HSPA4L: variants seen among roughly 807,000 people sequenced by gnomAD.
HSPA4L encodes the protein heat shock protein family A (Hsp70) member 4 like.
A neutral mutation model predicts 100.3 loss-of-function variants in HSPA4L; 48 were observed. The ratio of observed to expected loss-of-function variants is 0.48; its 90% CI spans 0.38 to 0.61. HSPA4L has a LOEUF of 0.61. Ranked by LOEUF, HSPA4L falls within the 20% of genes least tolerant of loss-of-function variation. The pLI is 0.00. For missense variants in HSPA4L, 886 were observed against 988.6 expected (o/e 0.90, Z 1.39); for synonymous variants, 319 against 328.2 (o/e 0.97, Z 0.30).
intron 10 of HSPA4L, among the ~76,000 whole-genome samples, chr4:127,806,622 A>T (rs1733366274): frequency 6.6e-6 from 1 of 151,960 alleles, no homozygotes; most frequent in Non-Finnish European, 1.5e-5. Flanking sequence ...CAATATTTTC[A>T]TGCTTGCATT....
At position 127,808,032 on chromosome 4, in the gene HSPA4L, A is replaced by G. The variant is rs1240677070; in HGVS notation, c.1281A>G (p.Pro427=). 2 of 1,612,718 alleles carry G rather than the reference A, an allele frequency of 1.2e-6. No individual in the cohort carries two copies. The highest frequency in any genetic ancestry group is 2.7e-5 in the African/African-American group (2 of 74,830). Residue 427 remains proline (P), a synonymous_variant, in exon 11 of 19, where the codon CCA becomes CCG. Transcript: ENST00000296464. ...TTTTCTGTAAGAACCATCCTGCCCC[A>G]TTCTCAAAAGTCATTACTTTCCACA... The part of the protein sequence containing the change: ...CEVFCKNHPA[P]FSKVITFHKK...
chr4:127,819,744 A>G (rs1733760257), intron 13 of HSPA4L, among the ~76,000 whole-genome samples: 1 of 152,130 alleles, frequency 6.6e-6, no homozygotes, highest in Non-Finnish European at 1.5e-5. Context: ...CTTATTTGTG[A>G]CTGGCTTTCA....
At chr4:127,798,957 G>A (rs1733099761) in intron 4 of HSPA4L, among the ~76,000 whole-genome samples, 1 of 152,104 alleles carries the variant, frequency 6.6e-6, no homozygotes, top group Non-Finnish European at 1.5e-5. Flanking sequence ...TGCTATCTGG[G>A]ATTTATCCCT....
intron 8 of HSPA4L, among the ~76,000 whole-genome samples, chr4:127,804,427 G>A (rs569069454): frequency 5.7e-4 from 87 of 152,172 alleles, no homozygotes; most frequent in Non-Finnish European, 8.5e-4. Context: ...ACAACATGGT[G>A]AAACCCCATC....
intron 2 of HSPA4L, 125 bp downstream of exon 2, chr4:127,794,259 C>T: frequency 2.1e-5 from 12 of 583,876 alleles, no homozygotes; most frequent in East Asian, 9.4e-5. Flanking sequence ...GGTACTACAT[C>T]TTTGTTTTGT....
Position 127,803,808 on chromosome 4 carries a change from A to C in HSPA4L, c.843A>C (p.Ala281=), listed in dbSNP as rs1057252558. The C allele has an allele frequency of 6.2e-7, 1 of 1,613,822 alleles. No homozygotes were observed. The highest frequency in any genetic ancestry group is 1.7e-5 in the Admixed American group (1 of 59,986). The change falls in exon 7 of 19, where the codon GCA becomes GCC. Residue 281 remains alanine, a synonymous_variant. Transcript: ENST00000296464. ...EKLKKLMSAN[A]SDLPLNIECF... is the part of the protein sequence containing the mutation. ...TAAAGAAGCTAATGAGTGCAAATGC[A>C]TCAGATCTTCCATTGAACATTGAGT...
At chr4:127,827,464 G>T in intron 17 of HSPA4L, 40 bp downstream of exon 17, 1 of 1,609,652 alleles carries the variant, frequency 6.2e-7, no homozygotes, top group Non-Finnish European at 8.5e-7. Context: ...GATGGCATGT[G>T]CATGGTACAT....
intron 10 of HSPA4L, among the ~76,000 whole-genome samples, chr4:127,806,558 A>G (rs1345773510): frequency 6.6e-6 from 1 of 151,996 alleles, no homozygotes; most frequent in Admixed American, 6.5e-5. Flanking sequence ...GAACATGCCA[A>G]TATTTTAAAA....
chr4:127,823,395 C>T, intron 15 of HSPA4L, 122 bp from the exon 16 acceptor site: 1 of 636,938 alleles, frequency 1.6e-6, no homozygotes, highest in South Asian at 2.1e-5. Context: ...GCGATCCTCC[C>T]ACCTTGGCCT....
intron 1 of HSPA4L, among the ~76,000 whole-genome samples, chr4:127,793,228 A>G (rs771168857): frequency 6.6e-6 from 1 of 152,200 alleles, no homozygotes; most frequent in Non-Finnish European, 1.5e-5. Flanking sequence ...TAGATATTAA[A>G]TGTTTTCCCT....
intron 1 of HSPA4L, among the ~76,000 whole-genome samples, chr4:127,790,758 G>C (rs1318398821): frequency 6.6e-6 from 1 of 152,146 alleles, no homozygotes; most frequent in African/African-American, 2.4e-5. Flanking sequence ...TATTATTACT[G>C]TCACTTGCCT....
At chr4:127,797,438 A>T (rs1733051932) in intron 3 of HSPA4L, among the ~76,000 whole-genome samples, 1 of 152,122 alleles carries the variant, frequency 6.6e-6, no homozygotes, top group South Asian at 2.1e-4. Flanking sequence ...GTTTTGAGTG[A>T]TATAATTTTA....
intron 9 of HSPA4L, 27 bp downstream of exon 9, chr4:127,805,251 A>G (rs1259609218): frequency 1.9e-6 from 3 of 1,561,502 alleles, no homozygotes; most frequent in East Asian, 2.3e-5. Flanking sequence ...ATTTTTTAGA[A>G]TATGTATTTT....
chr4:127,798,503 C>A, intron 3 of HSPA4L, 84 bp from the exon 4 acceptor site: 1 of 1,335,120 alleles, frequency 7.5e-7, no homozygotes, highest in South Asian at 1.3e-5. Context: ...CATTGTATGT[C>A]TATCACATAT....
At chr4:127,817,361 T>A (rs1369234753) in intron 12 of HSPA4L, among the ~76,000 whole-genome samples, 5 of 151,668 alleles carry the variant, frequency 3.3e-5, no homozygotes, top group African/African-American at 9.7e-5. Context: ...AAAAAAAAAA[T>A]TAGCTCCTCT....
intron 18 of HSPA4L, among the ~76,000 whole-genome samples, chr4:127,832,411 C>T (rs1370189402): frequency 6.6e-6 from 1 of 152,004 alleles, no homozygotes; most frequent in Non-Finnish European, 1.5e-5. Context: ...CCAAAGTAAA[C>T]TGTATTTGAT....
At chr4:127,831,342 A>C (rs747237134) in intron 18 of HSPA4L, among the ~76,000 whole-genome samples, 1 of 151,996 alleles carries the variant, frequency 6.6e-6, no homozygotes, top group Non-Finnish European at 1.5e-5. Flanking sequence ...CTCTACAAAA[A>C]ATACAAAAAT....
chr4:127,802,704 C>G (rs1365209907), intron 6 of HSPA4L, among the ~76,000 whole-genome samples: 1 of 152,020 alleles, frequency 6.6e-6, no homozygotes, highest in African/African-American at 2.4e-5. Flanking sequence ...AGGCTATAGC[C>G]CTTCTTCCAA....
At chr4:127,808,701 C>A (rs1340252325) in intron 11 of HSPA4L, among the ~76,000 whole-genome samples, 1 of 152,140 alleles carries the variant, frequency 6.6e-6, no homozygotes, top group African/African-American at 2.4e-5. Context: ...GGGACCAATA[C>A]TCAATGGATA....
Sources: gnomAD v4.1 joint callset for allele counts (sites outside exome capture counted in the v4.1 genomes callset) on GRCh38, gnomAD v4.1.1 for gene constraint, MANE v1.5 for transcripts, NCBI Gene and HGNC (gene_info 2026-07-23, HGNC 2026-07-21) for gene names.